CACNA2D3: variants seen among roughly 807,000 people sequenced by gnomAD.
The protein encoded by CACNA2D3 is voltage-dependent calcium channel subunit alpha-2/delta-3.
In CACNA2D3, 60 loss-of-function variants were observed where a neutral mutation model predicts 160.6. That is an observed-to-expected ratio of 0.37 (90% CI 0.30 to 0.46). CACNA2D3 has a LOEUF of 0.46. CACNA2D3 is among the 20% of genes least tolerant of loss of function. The pLI is 1.00. For synonymous variants in CACNA2D3, 558 were observed against 492.9 expected, an observed-to-expected ratio of 1.13 and a Z score of -1.75; for missense variants, 1,205 against 1,365.0, an observed-to-expected ratio of 0.88 and a Z score of 1.85.
chr3:55,050,331 T>A (rs1000694832), intron 35 of CACNA2D3, among the ~76,000 whole-genome samples: 1 of 152,090 alleles, frequency 6.6e-6, no homozygotes, highest in Non-Finnish European at 1.5e-5. Context: ...TTTGCTTGTC[T>A]GTAAAGTATT....
chr3:54,626,628 C>T (rs760460683), intron 9 of CACNA2D3: 30 of 1,230,546 alleles, frequency 2.4e-5, no homozygotes, highest in Non-Finnish European at 3.3e-5. Flanking sequence ...GCCACTCCTC[C>T]CGCTTCATCC....
chr3:54,805,619 A>AG (rs549937173), intron 13 of CACNA2D3, among the ~76,000 whole-genome samples: 123 of 152,326 alleles, frequency 8.1e-4, no homozygotes, highest in South Asian at 7.7e-3. Context: ...ATTCTACCAG[A>AG]GGTACAAAGA....
chr3:54,339,299 A>G (rs1299021461), intron 3 of CACNA2D3, among the ~76,000 whole-genome samples: 1 of 152,156 alleles, frequency 6.6e-6, no homozygotes, highest in African/African-American at 2.4e-5. Flanking sequence ...CTTGATATTC[A>G]GGGTTCCTCT....
intron 9 of CACNA2D3, among the ~76,000 whole-genome samples, chr3:54,590,010 C>T (rs986772458): frequency 6.6e-6 from 1 of 152,194 alleles, no homozygotes; most frequent in African/African-American, 2.4e-5. Context: ...TCTTCTAAAA[C>T]TAAATATGTA....
intron 11 of CACNA2D3, among the ~76,000 whole-genome samples, chr3:54,748,042 C>T (rs1047740507): frequency 2.6e-5 from 4 of 152,212 alleles, no homozygotes; most frequent in African/African-American, 9.7e-5. Context: ...GTAGCCCTGG[C>T]ACCAAGAATG....
intron 4 of CACNA2D3, among the ~76,000 whole-genome samples, chr3:54,475,490 ATCT>A (rs1277577320): frequency 2.0e-5 from 3 of 152,114 alleles, no homozygotes; most frequent in Non-Finnish European, 2.9e-5. Flanking sequence ...AAATGAAGAA[ATCT>A]TCTTTTAAGA....
At chr3:54,378,319 G>T (rs901438801) in intron 3 of CACNA2D3, among the ~76,000 whole-genome samples, 6 of 152,100 alleles carry the variant, frequency 3.9e-5, no homozygotes, top group African/African-American at 1.2e-4. Context: ...CCTTGCATGC[G>T]CAGTTCACAA....
intron 11 of CACNA2D3, among the ~76,000 whole-genome samples, chr3:54,698,563 A>G (rs1222159730): frequency 6.6e-6 from 1 of 152,184 alleles, no homozygotes; most frequent in Non-Finnish European, 1.5e-5. Flanking sequence ...AACGCTAAAC[A>G]CCACAAATAC....
At position 54,626,405 on chromosome 3, in the gene CACNA2D3, A is replaced by G. The variant is rs1699103682; in HGVS notation, c.964-1382A>G. 3.8e-6 allele frequency: 6 copies of G among 1,577,258 alleles called. No individual in the cohort carries two copies. In the Admixed American group the frequency reaches 5.7e-5, roughly 15 times the overall value. On this transcript the variant is annotated intron_variant, in intron 9 of 37. Transcript: ENST00000474759. ...CTGAAGTGCCTGCGCAAGGCCAAGAAGGAGGCGCTGCCCATGGAGAAGCCG... is the reference window on the plus strand; with the variant it reads ...CTGAAGTGCCTGCGCAAGGCCAAGAGGGAGGCGCTGCCCATGGAGAAGCCG...
chr3:54,807,091 C>T (rs1703147763), intron 13 of CACNA2D3, among the ~76,000 whole-genome samples: 1 of 152,102 alleles, frequency 6.6e-6, no homozygotes, highest in African/African-American at 2.4e-5. Flanking sequence ...GACCTAAAAC[C>T]ATAAAAACCC....
intron 13 of CACNA2D3, among the ~76,000 whole-genome samples, chr3:54,805,572 C>T (rs1559588504): frequency 6.6e-6 from 1 of 152,102 alleles, no homozygotes; most frequent in Non-Finnish European, 1.5e-5. Flanking sequence ...AGCTTACCAA[C>T]CAAAAAGAGT....
chr3:55,056,426 C>T (rs553873283), intron 35 of CACNA2D3, among the ~76,000 whole-genome samples: 1 of 152,236 alleles, frequency 6.6e-6, no homozygotes, highest in South Asian at 2.1e-4. Context: ...AATAGAATTA[C>T]CGTAAGTTGT....
chr3:54,626,539 G>A (rs887145754), intron 9 of CACNA2D3: 160 of 1,605,278 alleles, frequency 1.0e-4, no homozygotes, highest in Non-Finnish European at 5.0e-5. Context: ...GATCAAGCCC[G>A]AGATGATCGA....
At chr3:54,532,711 C>T (rs538459811) in intron 5 of CACNA2D3, among the ~76,000 whole-genome samples, 28 of 152,236 alleles carry the variant, frequency 1.8e-4, no homozygotes, top group African/African-American at 6.5e-4. Flanking sequence ...TTGATGGACA[C>T]TTAGGTTGAT....
In CACNA2D3 at chr3:54,256,673, G is replaced by A. The variant is rs190592093; in HGVS notation, c.205-63769G>A. Among the ~76,000 whole-genome samples the A allele has an allele frequency of 1.1e-3, 169 of 149,328 alleles. 2 individuals are homozygous for A. Among genetic ancestry groups the A allele is most frequent in the Non-Finnish European group, 3.8e-4 (26 of 67,616 alleles). On this transcript the variant is annotated intron_variant, in intron 2 of 37. Transcript: ENST00000474759. ...GAGAAGTTCACATTAATGGCATTGT[G>A]CTCTCTGTTACTGACACCATCAACA...
At chr3:54,677,269 G>T (rs1001539800) in intron 11 of CACNA2D3, among the ~76,000 whole-genome samples, 2 of 152,286 alleles carry the variant, frequency 1.3e-5, no homozygotes, top group African/African-American at 2.4e-5. Flanking sequence ...AGATAGTCTG[G>T]TTTTGGTAGT....
intron 2 of CACNA2D3, among the ~76,000 whole-genome samples, chr3:54,190,973 G>C (rs1459873413): frequency 6.7e-6 from 1 of 149,104 alleles, no homozygotes; most frequent in Non-Finnish European, 1.5e-5. Context: ...CTGTCATAAA[G>C]ATGAAGTGGG....
chr3:54,662,704 G>T (rs140614494), intron 11 of CACNA2D3, among the ~76,000 whole-genome samples: 62 of 152,328 alleles, frequency 4.1e-4, no homozygotes, highest in East Asian at 1.5e-3. Flanking sequence ...GGATTCCAGG[G>T]CTGTTCAGGT....
Position 54,419,161 on chromosome 3 carries a change from TC to T in CACNA2D3, c.381+32388del, listed in dbSNP as rs1468883418. Reference sequence around the variant, plus strand: ...GTCACTTCCGCAGTAGGAAGGCTGTTCAGTCTCGGAACTTGAGCCATGTCAA... The same window carrying T: ...GTCACTTCCGCAGTAGGAAGGCTGTTAGTCTCGGAACTTGAGCCATGTCAA... On this transcript the variant is annotated intron_variant, in intron 4 of 37. Transcript: ENST00000474759. Among the ~76,000 whole-genome samples the T allele has an allele frequency of 3.9e-5, 6 of 152,338 alleles. No individual in the cohort carries two copies. The East Asian group carries it at 1.2e-3, about 29-fold the overall frequency.
Sources: allele counts gnomAD v4.1 joint callset (sites outside exome capture counted in the v4.1 genomes callset), GRCh38; gene constraint gnomAD v4.1.1; transcripts MANE v1.5; gene names NCBI Gene and HGNC (gene_info 2026-07-23, HGNC 2026-07-21).